ASB5: variants seen among roughly 807,000 people sequenced by gnomAD.
The protein encoded by ASB5 is ankyrin repeat and SOCS box containing 5, also known as ankyrin repeat and SOCS box protein 5.
Under a neutral mutation model 42.1 loss-of-function variants are expected in ASB5, and 45 were observed. That is an observed-to-expected ratio of 1.07 (90% CI 0.84 to 1.37). The LOEUF is 1.37. Ranked by LOEUF, ASB5 falls within the 40% of genes most tolerant of loss-of-function variation. The pLI, the probability that ASB5 is intolerant of heterozygous loss-of-function variation, is 0.00. For synonymous variants in ASB5, 147 were observed against 150.6 expected (o/e 0.98, Z 0.18); for missense variants, 402 against 399.8 (o/e 1.01, Z -0.05).
chr4:176,268,853 T>C, intron 1 of ASB5, 60 bp downstream of exon 1: 1 of 1,339,424 alleles, frequency 7.5e-7, no homozygotes, highest in Non-Finnish European at 1.0e-6. Flanking sequence ...AAACATGTAA[T>C]TGTGGATCAG....
chr4:176,248,156 T>C (rs534189683), intron 1 of ASB5, among the ~76,000 whole-genome samples: 2 of 152,268 alleles, frequency 1.3e-5, no homozygotes, highest in Admixed American at 6.5e-5. Flanking sequence ...TGAGATTGAG[T>C]CACTCTGTCA....
chr4:176,230,139 A>G (rs1194719300), intron 1 of ASB5, among the ~76,000 whole-genome samples: 2 of 152,216 alleles, frequency 1.3e-5, no homozygotes, highest in African/African-American at 2.4e-5. Flanking sequence ...AGGATTAGAA[A>G]TGAGAATGTT....
At chr4:176,240,356 C>A (rs1753785882) in intron 1 of ASB5, among the ~76,000 whole-genome samples, 1 of 152,182 alleles carries the variant, frequency 6.6e-6, no homozygotes, top group African/African-American at 2.4e-5. Context: ...GCAATTCTAT[C>A]TCCAGGAACT....
rs17062649 is a variant in ASB5 at position 176,227,428 on chromosome 4, C to G, written c.197-2087G>C. On this transcript the variant is annotated intron_variant, in intron 1 of 6. Coordinates refer to ENST00000296525, the MANE Select transcript of ASB5 (RefSeq NM_080874.4). Reference sequence around the variant, plus strand: ...GGGATTGATGACTGGTAAATGACTTCTGCCCTCTGCACCAGGCTGGAGTAA... The same window carrying G: ...GGGATTGATGACTGGTAAATGACTTGTGCCCTCTGCACCAGGCTGGAGTAA... Among the ~76,000 whole-genome samples the G allele has an allele frequency of 9.4e-3, 1,433 of 152,298 alleles. 21 individuals are homozygous for G. Among genetic ancestry groups the G allele is most frequent in the African/African-American group, 0.032 (1,324 of 41,544 alleles).
intron 6 of ASB5, 91 bp from the exon 7 acceptor site, chr4:176,215,818 A>G: frequency 7.7e-7 from 1 of 1,304,160 alleles, no homozygotes; most frequent in Non-Finnish European, 1.0e-6. Context: ...AAAAACTACA[A>G]TGCTTTGTAG....
chr4:176,215,989 C>G (rs1561248757), intron 6 of ASB5, among the ~76,000 whole-genome samples: 1 of 151,972 alleles, frequency 6.6e-6, no homozygotes, highest in Non-Finnish European at 1.5e-5. Flanking sequence ...TTTAAAGCCT[C>G]AGAAACAAAG....
chr4:176,219,798 C>G (rs1753149733), intron 5 of ASB5, among the ~76,000 whole-genome samples: 1 of 151,110 alleles, frequency 6.6e-6, no homozygotes, highest in Non-Finnish European at 1.5e-5. Flanking sequence ...AACTCCTGAC[C>G]TCAAGTGATC....
intron 1 of ASB5, among the ~76,000 whole-genome samples, chr4:176,239,096 G>T (rs1447316619): frequency 6.6e-6 from 1 of 152,202 alleles, no homozygotes; most frequent in Non-Finnish European, 1.5e-5. Flanking sequence ...AGCCAGCTTG[G>T]CCCAGGCTAT....
intron 1 of ASB5, among the ~76,000 whole-genome samples, chr4:176,246,126 G>A (rs1311644893): frequency 3.9e-5 from 6 of 152,064 alleles, no homozygotes; most frequent in Non-Finnish European, 7.4e-5. Flanking sequence ...ATTTAACTTA[G>A]GCTAATTAGA....
chr4:176,230,542 G>A (rs1374374839), intron 1 of ASB5, among the ~76,000 whole-genome samples: 1 of 152,092 alleles, frequency 6.6e-6, no homozygotes, highest in South Asian at 2.1e-4. Flanking sequence ...TTATTTTCTT[G>A]TAATCCCTTA....
intron 5 of ASB5, among the ~76,000 whole-genome samples, chr4:176,220,508 A>G (rs17626926): frequency 0.072 from 10,906 of 152,208 alleles, 428 homozygotes; most frequent in Middle Eastern, 0.12. Flanking sequence ...GGGATGGGAA[A>G]AAAAGGTATG....
chr4:176,256,083 C>T (rs1213252876), intron 1 of ASB5, among the ~76,000 whole-genome samples: 2 of 152,172 alleles, frequency 1.3e-5, no homozygotes, highest in Non-Finnish European at 2.9e-5. Flanking sequence ...AAAAACGTTA[C>T]TCTCAAGTTT....
chr4:176,274,610 C>T (rs1754532559), intron 2 of ASB5, among the ~76,000 whole-genome samples: 1 of 152,154 alleles, frequency 6.6e-6, no homozygotes, highest in African/African-American at 2.4e-5. Context: ...CTGGTTTAAC[C>T]ACTGTCCTCT....
upstream of ASB5, among the ~76,000 whole-genome samples, chr4:176,273,596 G>C (rs181700493): frequency 6.6e-6 from 1 of 152,294 alleles, no homozygotes; most frequent in East Asian, 1.9e-4. Flanking sequence ...CACAAAAAGG[G>C]TCATTAACTT....
intron 1 of ASB5, among the ~76,000 whole-genome samples, chr4:176,246,183 A>G (rs903277912): frequency 1.3e-5 from 2 of 152,132 alleles, no homozygotes; most frequent in South Asian, 2.1e-4. Flanking sequence ...GAAGTGGGGG[A>G]AAATGTTTTA....
At chr4:176,220,513 G>C (rs1039597810) in intron 5 of ASB5, among the ~76,000 whole-genome samples, 3 of 152,148 alleles carry the variant, frequency 2.0e-5, no homozygotes, top group Non-Finnish European at 4.4e-5. Context: ...GGGAAAAAAA[G>C]GTATGATCCA....
chr4:176,224,179 G>A (rs1230647505), intron 2 of ASB5, among the ~76,000 whole-genome samples: 1 of 150,094 alleles, frequency 6.7e-6, no homozygotes, highest in Admixed American at 6.7e-5. Context: ...CTTGAGACTG[G>A]GAAACAGTAG....
chr4:176,213,974 T>G lies in ASB5; in HGVS notation c.*1626A>C, dbSNP rs1297783767. The G allele has an allele frequency of 6.6e-6, 1 of 152,148 alleles. No homozygotes were observed. The highest frequency in any genetic ancestry group is 1.5e-5 in the Non-Finnish European group (1 of 67,996). 9.4% of individuals were successfully genotyped at this position (152,148 alleles called of 1,614,324 possible). A position where few individuals can be genotyped will look rare whatever the true frequency, so the allele number is the denominator to read the frequency against. ...TTTAATATCTGTTTAACCAGGTTAT[T>G]CTATAATAAGAACTCCATTTTAATG... On this transcript the variant is annotated 3_prime_UTR_variant, in exon 7 of 7. Coordinates refer to ENST00000296525, the MANE Select transcript of ASB5 (RefSeq NM_080874.4).
chr4:176,267,839 A>T (rs2126979981), intron 1 of ASB5, among the ~76,000 whole-genome samples: 1 of 152,268 alleles, frequency 6.6e-6, no homozygotes, highest in South Asian at 2.1e-4. Context: ...ACACTAAAAA[A>T]GATTTTCCAC....
Sources: gnomAD v4.1 joint callset for allele counts (sites outside exome capture counted in the v4.1 genomes callset) on GRCh38, gnomAD v4.1.1 for gene constraint, MANE v1.5 for transcripts, NCBI Gene and HGNC (gene_info 2026-07-23, HGNC 2026-07-21) for gene names.